The following PIK3R1 variants were observed in gnomAD, a reference collection of about 807,000 sequenced individuals.
PIK3R1 encodes phosphatidylinositol 3-kinase regulatory subunit alpha.
A neutral mutation model predicts 98.0 loss-of-function variants in PIK3R1; 29 were observed. The ratio of observed to expected loss-of-function variants is 0.30; its 90% confidence interval spans 0.22 to 0.40. The LOEUF is 0.40. Among genes scored for constraint, PIK3R1 ranks in the 10% least tolerant of loss-of-function variants. The pLI is 1.00. For missense variants in PIK3R1, 596 were observed against 872.7 expected (o/e 0.68, Z 3.99); for synonymous variants, 282 against 311.8 (o/e 0.90, Z 1.01).
intron 2 of PIK3R1, among the ~76,000 whole-genome samples, chr5:68,262,874 G>T (rs368025687): frequency 4.6e-5 from 4 of 87,834 alleles, no homozygotes; most frequent in Non-Finnish European, 9.4e-5. Context: ...TATACATGTA[G>T]ATACATGTAG....
At chr5:68,270,424 A>C (rs1746308064) in intron 2 of PIK3R1, among the ~76,000 whole-genome samples, 1 of 152,172 alleles carries the variant, frequency 6.6e-6, no homozygotes. Flanking sequence ...ATTATCATTT[A>C]ATTTGACTTT....
At chr5:68,269,267 C>A (rs1453441197) in intron 2 of PIK3R1, among the ~76,000 whole-genome samples, 1 of 152,124 alleles carries the variant, frequency 6.6e-6, no homozygotes, top group African/African-American at 2.4e-5. Flanking sequence ...AACAAATTTG[C>A]CCAGATTCTT....
chr5:68,216,140 C>A (rs943446159), intron 1 of PIK3R1, among the ~76,000 whole-genome samples, 191 bp downstream of exon 1: 1 of 151,922 alleles, frequency 6.6e-6, no homozygotes, highest in Admixed American at 6.5e-5. Context: ...GCAGCACTAC[C>A]CCCGCGCGCG....
chr5:68,296,488 C>A, intron 15 of PIK3R1, 147 bp downstream of exon 15: 1 of 704,888 alleles, frequency 1.4e-6, no homozygotes. Context: ...GAAACCAAAG[C>A]AGCTGTAATA....
chr5:68,225,505 G>A (rs1391137583), intron 1 of PIK3R1, among the ~76,000 whole-genome samples: 2 of 152,058 alleles, frequency 1.3e-5, no homozygotes, highest in East Asian at 1.9e-4. Flanking sequence ...CGTTCTCGCC[G>A]CACATTTAAG....
chr5:68,292,865 G>A (rs973492655), intron 8 of PIK3R1: 3 of 733,944 alleles, frequency 4.1e-6, no homozygotes, highest in Non-Finnish European at 6.3e-6. Flanking sequence ...TTTGTGATGA[G>A]ACTGCAATTG....
intron 2 of PIK3R1, among the ~76,000 whole-genome samples, chr5:68,242,750 G>T (rs1238331654): frequency 2.0e-5 from 3 of 152,156 alleles, no homozygotes; most frequent in African/African-American, 4.8e-5. Context: ...AATTCTAGAG[G>T]CCTCCTTCTT....
At chr5:68,222,002 T>A (rs879319610) in intron 1 of PIK3R1, among the ~76,000 whole-genome samples, 1 of 152,244 alleles carries the variant, frequency 6.6e-6, no homozygotes, top group Non-Finnish European at 1.5e-5. Flanking sequence ...TACAATAACT[T>A]ATGCATGCAC....
rs1561297513 is a variant in PIK3R1, at chr5:68,293,207, A to G, written c.1118+8A>G. 1 of 1,609,590 alleles carries G rather than the reference A, an allele frequency of 6.2e-7. No individual in the cohort carries two copies. The highest frequency in any genetic ancestry group is 8.5e-7 in the Non-Finnish European group (1 of 1,176,324). Reference sequence around the variant, plus strand: ...TTATACTCTTACACTAAGGTAAGCCAGGGAATATAGCTGAAATTAGGGTTT... The same window carrying G: ...TTATACTCTTACACTAAGGTAAGCCGGGGAATATAGCTGAAATTAGGGTTT... On this transcript the variant is annotated splice_region_variant and intron_variant, in intron 9 of 15. Transcript: ENST00000521381.
At chr5:68,276,061 C>T (rs79248329) in intron 4 of PIK3R1, among the ~76,000 whole-genome samples, 5 of 152,166 alleles carry the variant, frequency 3.3e-5, no homozygotes, top group African/African-American at 1.2e-4. Flanking sequence ...TTTTCTGACT[C>T]CAAAAGTCCT....
chr5:68,226,873 G>C lies in PIK3R1; in HGVS notation c.198G>C (p.Arg66Ser). ...GCTATAATGAAACCACAGGGGAAAG[G>C]GGGGACTTTCCGGGAACTTACGTAG... is the stretch of plus-strand genomic sequence containing the variant. ...LNGYNETTGERGDFPGTYVEY... is the reference protein window; with the variant it reads ...LNGYNETTGESGDFPGTYVEY... Residue 66 changes from arginine (R) to serine (S), a missense_variant, in exon 2 of 16, where the codon AGG becomes AGC. Physicochemically the swap from Arg to Ser is moderately radical, Grantham distance 110. Around this residue, in one of 3 missense-constraint regions of PIK3R1, gnomAD observed 352 missense variants for 393.3 expected, o/e 0.90. Transcript: ENST00000521381. 1.9e-6 allele frequency: 3 copies of C among 1,614,042 alleles called. No individual in the cohort carries two copies. The highest frequency in any genetic ancestry group is 2.5e-6 in the Non-Finnish European group (3 of 1,179,980).
At chr5:68,216,881 C>G (rs1007868664) in intron 1 of PIK3R1, among the ~76,000 whole-genome samples, 1 of 142,022 alleles carries the variant, frequency 7.0e-6, no homozygotes, top group African/African-American at 2.7e-5. Flanking sequence ...AGAATTGGAG[C>G]CTGAAATGCA....
At chr5:68,273,042 C>T (rs79769855) in intron 2 of PIK3R1, among the ~76,000 whole-genome samples, 12,369 of 152,196 alleles carry the variant, frequency 0.081, 649 homozygotes, top group Non-Finnish European at 0.11. Context: ...GATCCTGGTT[C>T]ATCCCTGGCT....
chr5:68,296,612 G>A (rs758250352), intron 15 of PIK3R1, among the ~76,000 whole-genome samples: 3 of 151,510 alleles, frequency 2.0e-5, no homozygotes, highest in Non-Finnish European at 4.4e-5. Flanking sequence ...ATGAGAAATC[G>A]CCAAGTCTTT....
At chr5:68,252,778 C>T (rs1239101629) in intron 2 of PIK3R1, among the ~76,000 whole-genome samples, 4 of 152,108 alleles carry the variant, frequency 2.6e-5, no homozygotes, top group Middle Eastern at 3.2e-3. Flanking sequence ...TTACTGGGGC[C>T]GAACATGTAG....
chr5:68,242,698 C>T (rs981237532), intron 2 of PIK3R1, among the ~76,000 whole-genome samples: 1 of 152,160 alleles, frequency 6.6e-6, no homozygotes, highest in Admixed American at 6.5e-5. Context: ...ACGGGATAGC[C>T]CAAGGCCTGT....
intron 15 of PIK3R1, 55 bp downstream of exon 15, chr5:68,296,396 T>C: frequency 6.7e-7 from 1 of 1,483,356 alleles, no homozygotes; most frequent in Non-Finnish European, 9.2e-7. Flanking sequence ...GATGTTTCAT[T>C]TATTCATTCA....
intron 10 of PIK3R1, 88 bp downstream of exon 10, chr5:68,293,571 A>G: frequency 8.0e-7 from 1 of 1,245,514 alleles, no homozygotes; most frequent in Non-Finnish European, 1.1e-6. Context: ...GATGAATTAC[A>G]TGTAATCAAG....
In PIK3R1 at chr5:68,292,828, A is replaced by C. The variant is rs1164679114; in HGVS notation, c.1020-273A>C. The C allele has an allele frequency of 1.3e-5, 13 of 979,826 alleles. No homozygotes were observed. The East Asian group carries it at 3.7e-4, about 28-fold the overall frequency. The allele number at this position is 979,826 out of a possible 1,614,324, so 60.7% of individuals were successfully genotyped here. Reference sequence around the variant, plus strand: ...AATAAAAACTTAGTACCACAGATACACCAATAGTGAAAGTGATATGCACCT... The same window carrying C: ...AATAAAAACTTAGTACCACAGATACCCCAATAGTGAAAGTGATATGCACCT... On this transcript the variant is annotated intron_variant, in intron 8 of 15. Transcript: ENST00000521381.
Sources: gnomAD v4.1 joint callset for allele counts (sites outside exome capture counted in the v4.1 genomes callset) on GRCh38, gnomAD v4.1.1 for gene constraint, gnomAD v4.1.1 regional missense constraint, MANE v1.5 for transcripts, NCBI Gene and HGNC (gene_info 2026-07-23, HGNC 2026-07-21) for gene names.